Variants in GNAO1 observed in about 807,000 individuals in gnomAD.
GNAO1 encodes guanine nucleotide-binding protein G(o) subunit alpha.
For synonymous variants in GNAO1, 164 were observed against 180.7 expected (o/e 0.91, Z 0.74); for missense variants, 166 against 478.7 (o/e 0.35, Z 6.10).
At chr16:56,314,170 T>A (rs923209031) in intron 3 of GNAO1, among the ~76,000 whole-genome samples, 7 of 152,234 alleles carry the variant, frequency 4.6e-5, no homozygotes, top group African/African-American at 1.7e-4. Context: ...AAGCTTTAGG[T>A]ATTGGGAAGT....
chr16:56,217,500 A>G (rs2036446418), intron 2 of GNAO1, among the ~76,000 whole-genome samples: 1 of 152,230 alleles, frequency 6.6e-6, no homozygotes, highest in African/African-American at 2.4e-5. Context: ...TAAGGGGGCA[A>G]GAGACCCTTG....
intron 4 of GNAO1, among the ~76,000 whole-genome samples, chr16:56,333,275 C>T (rs552987576): frequency 4.6e-5 from 7 of 150,814 alleles, no homozygotes; most frequent in East Asian, 3.9e-4. Flanking sequence ...TACAGTGGCA[C>T]GATCTCAACT....
At chr16:56,206,345 A>AT (rs1491268277) in intron 2 of GNAO1, among the ~76,000 whole-genome samples, 14 of 150,762 alleles carry the variant, frequency 9.3e-5, no homozygotes, top group African/African-American at 2.7e-4. Context: ...AAAAAAAAAA[A>AT]GAGGCAGTTA....
intron 2 of GNAO1, among the ~76,000 whole-genome samples, chr16:56,251,721 G>T (rs1470502581): frequency 6.6e-6 from 1 of 152,184 alleles, no homozygotes. Flanking sequence ...TCCCAGGATA[G>T]AAGTTAATCT....
At chr16:56,295,616 C>T (rs1190083214) in intron 3 of GNAO1, among the ~76,000 whole-genome samples, 2 of 152,204 alleles carry the variant, frequency 1.3e-5, no homozygotes, top group Non-Finnish European at 2.9e-5. Flanking sequence ...ACCCTGGACT[C>T]CTCCTTCCCC....
chr16:56,311,392 C>T lies in GNAO1; in HGVS notation c.304-17239C>T, dbSNP rs1424618128. On this transcript the variant is annotated intron_variant, in intron 3 of 8. Transcript: ENST00000262493. The surrounding 1 kb of genome is among the most constrained non-coding windows in gnomAD (Gnocchi z 5.2). ...CTCTCACCCAGTGAGCCCTGTGCAGCTCTTCCCCAGCAGAGGGCAGAGTTG... is the reference window on the plus strand; with the variant it reads ...CTCTCACCCAGTGAGCCCTGTGCAGTTCTTCCCCAGCAGAGGGCAGAGTTG... Among the ~76,000 whole-genome samples the T allele has an allele frequency of 6.6e-6, 1 of 152,100 alleles. No homozygotes were observed. Among genetic ancestry groups the T allele is most frequent in the Non-Finnish European group, 1.5e-5 (1 of 68,014 alleles).
chr16:56,223,467 C>A (rs1364222145), intron 2 of GNAO1, among the ~76,000 whole-genome samples: 1 of 152,214 alleles, frequency 6.6e-6, no homozygotes. Context: ...TAGATTGGAC[C>A]TACCCGGATA....
intron 2 of GNAO1, among the ~76,000 whole-genome samples, chr16:56,200,689 A>C (rs1002433991): frequency 6.6e-6 from 1 of 152,154 alleles, no homozygotes; most frequent in South Asian, 2.1e-4. Flanking sequence ...GCAGTCTACG[A>C]CCTCACACCC....
intron 3 of GNAO1, among the ~76,000 whole-genome samples, chr16:56,306,429 C>T (rs1181557532): frequency 3.3e-5 from 5 of 152,322 alleles, no homozygotes; most frequent in African/African-American, 4.8e-5. Flanking sequence ...CAACCCCTAG[C>T]AGAACCCTTT....
At chr16:56,319,130 C>T (rs1368189610) in intron 3 of GNAO1, among the ~76,000 whole-genome samples, 4 of 152,230 alleles carry the variant, frequency 2.6e-5, no homozygotes, top group Non-Finnish European at 5.9e-5. Context: ...GAAAAGCTTA[C>T]ATTGCCATGA....
intron 3 of GNAO1, among the ~76,000 whole-genome samples, chr16:56,285,891 C>G (rs1317780714): frequency 6.6e-6 from 1 of 152,190 alleles, no homozygotes; most frequent in Non-Finnish European, 1.5e-5. Context: ...CTCATTTGGT[C>G]CAAGCCCCAG....
rs1159052111 is a variant in GNAO1 at position 56,347,830 on chromosome 16, T to C, written c.724-3554T>C. 8 of 968,378 alleles carry C rather than the reference T, an allele frequency of 8.3e-6. No individual in the cohort carries two copies. In the African/African-American group the frequency reaches 1.5e-4, roughly 18 times the overall value. The allele number at this position is 968,378 out of a possible 1,614,324, so 60.0% of individuals were successfully genotyped here. A position where few individuals can be genotyped will look rare whatever the true frequency, so the allele number is the denominator to read the frequency against. ...ACCTGCCCTGTTACTCCCACAGCTC[T>C]GGGCAGCCAGGCCCTCCCCTCCTGC... On this transcript the variant is annotated intron_variant, in intron 6 of 8. Transcript: ENST00000262493.
chr16:56,330,539 C>G (rs2037678629), intron 4 of GNAO1, among the ~76,000 whole-genome samples: 3 of 152,184 alleles, frequency 2.0e-5, no homozygotes, highest in Non-Finnish European at 2.9e-5. Context: ...CCTACTCCCC[C>G]CACCAGCCCT....
intron 2 of GNAO1, among the ~76,000 whole-genome samples, chr16:56,235,563 T>G (rs965044034): frequency 7.2e-5 from 11 of 152,198 alleles, no homozygotes; most frequent in Non-Finnish European, 1.5e-4. Context: ...CTAAAGGCAG[T>G]GCTCCTAGGG....
At chr16:56,347,605 A>T (rs1461707561) in intron 6 of GNAO1, 1 of 981,208 alleles carries the variant, frequency 1.0e-6, no homozygotes, top group Non-Finnish European at 1.2e-6. Flanking sequence ...AAACTCCTGG[A>T]TCCCCTCCAT....
At chr16:56,217,706 C>G (rs988696052) in intron 2 of GNAO1, among the ~76,000 whole-genome samples, 2 of 152,306 alleles carry the variant, frequency 1.3e-5, no homozygotes, top group African/African-American at 4.8e-5. Context: ...GACTCCCTGT[C>G]TACAGATGGG....
chr16:56,263,364 A>G (rs1192748024), intron 2 of GNAO1, among the ~76,000 whole-genome samples: 1 of 152,226 alleles, frequency 6.6e-6, no homozygotes, highest in Non-Finnish European at 1.5e-5. Flanking sequence ...TTCGCCATGT[A>G]CCAAGCTCTG....
At chr16:56,270,531 C>G (rs1196496515) in intron 2 of GNAO1, 4 of 152,160 alleles carry the variant, frequency 2.6e-5, no homozygotes, top group Non-Finnish European at 5.9e-5. Context: ...GTACTCCTGA[C>G]TCATGTAGTT....
At chr16:56,300,008 CGT>C (rs71381116) in intron 3 of GNAO1, among the ~76,000 whole-genome samples, 22 of 129,782 alleles carry the variant, frequency 1.7e-4, no homozygotes, top group South Asian at 5.7e-4. Flanking sequence ...GATTGGGGTT[CGT>C]GTGTGTGTGT....
Sources: allele counts gnomAD v4.1 joint callset (sites outside exome capture counted in the v4.1 genomes callset), GRCh38; gene constraint gnomAD v4.1.1; non-coding constraint Gnocchi (gnomAD v3.1); transcripts MANE v1.5; gene names NCBI Gene and HGNC (gene_info 2026-07-23, HGNC 2026-07-21).